The following BACE2 variants were observed in gnomAD, a reference collection of about 807,000 sequenced individuals.
BACE2 encodes beta-secretase 2.
Under a neutral mutation model 46.2 loss-of-function variants are expected in BACE2, and 17 were observed. That is an observed-to-expected ratio of 0.37 (90% CI 0.25 to 0.55). The LOEUF is 0.55. BACE2 is among the 20% of genes least tolerant of loss of function. The pLI is 0.82. For synonymous variants in BACE2, 277 were observed against 295.9 expected, an observed-to-expected ratio of 0.94 and a Z score of 0.66; for missense variants, 595 against 698.1, an observed-to-expected ratio of 0.85 and a Z score of 1.66.
chr21:41,267,403 A>G (rs1366444007), intron 8 of BACE2, among the ~76,000 whole-genome samples: 1 of 152,184 alleles, frequency 6.6e-6, no homozygotes, highest in Admixed American at 6.5e-5. Flanking sequence ...GTTAAAATTG[A>G]CAACTCTCTG....
intron 7 of BACE2, among the ~76,000 whole-genome samples, chr21:41,251,448 G>C (rs1352894522): frequency 6.6e-6 from 1 of 152,186 alleles, no homozygotes; most frequent in Non-Finnish European, 1.5e-5. Context: ...GGAAGACCTG[G>C]AGACATTTTT....
chr21:41,280,324 C>T lies in BACE2; in HGVS notation c.*4700C>T, dbSNP rs1477460497. 2.6e-5 allele frequency: 4 copies of T among 152,296 alleles called. No homozygotes were observed. The highest frequency in any genetic ancestry group is 6.5e-5 in the Admixed American group (1 of 15,284). 9.4% of individuals were successfully genotyped at this position (152,296 alleles called of 1,614,324 possible). On this transcript the variant is annotated 3_prime_UTR_variant, in exon 9 of 9. Coordinates refer to ENST00000330333, the MANE Select transcript of BACE2 (RefSeq NM_012105.5). ...ACGGCAGCTGGGCCCTCACCGTTTC[C>T]GCCAGCTCTGCTGAGCCAGCCCAGC...
intron 1 of BACE2, among the ~76,000 whole-genome samples, chr21:41,199,289 T>C (rs993172357): frequency 1.3e-5 from 2 of 151,982 alleles, no homozygotes; most frequent in African/African-American, 4.8e-5. Flanking sequence ...CTTCCTCATC[T>C]TCCTCCACCT....
intron 1 of BACE2, among the ~76,000 whole-genome samples, chr21:41,222,028 G>C (rs1986673001): frequency 6.6e-6 from 1 of 152,228 alleles, no homozygotes; most frequent in East Asian, 1.9e-4. Flanking sequence ...TGGCTGAGTT[G>C]GTTACAAGAA....
chr21:41,247,249 G>A (rs534929170), intron 6 of BACE2, among the ~76,000 whole-genome samples: 1 of 152,184 alleles, frequency 6.6e-6, no homozygotes, highest in Admixed American at 6.5e-5. Context: ...TGCGGGAAGA[G>A]CGGCACGTGG....
intron 1 of BACE2, among the ~76,000 whole-genome samples, chr21:41,222,051 C>G (rs1389860740): frequency 2.0e-5 from 3 of 152,270 alleles, no homozygotes; most frequent in East Asian, 3.9e-4. Context: ...CGCTCGGAGT[C>G]TGACTCTGGG....
At chr21:41,251,816 AC>A (rs1319806773) in intron 7 of BACE2, among the ~76,000 whole-genome samples, 7 of 152,174 alleles carry the variant, frequency 4.6e-5, no homozygotes, top group African/African-American at 1.7e-4. Context: ...AAAACAAAAA[AC>A]AAAAAAGAAA....
chr21:41,243,582 C>T (rs879828973), intron 5 of BACE2, 72 bp downstream of exon 5: 59 of 1,441,128 alleles, frequency 4.1e-5, no homozygotes, highest in East Asian at 1.2e-4. Flanking sequence ...AGCTGGAACC[C>T]GTAGATGCCA....
At chr21:41,225,319 C>A (rs947313722) in intron 1 of BACE2, among the ~76,000 whole-genome samples, 3 of 151,870 alleles carry the variant, frequency 2.0e-5, no homozygotes, top group African/African-American at 7.3e-5. Flanking sequence ...TATATGTCTG[C>A]AAAAAGACCT....
At chr21:41,274,011 G>A (rs61326441) in intron 8 of BACE2, among the ~76,000 whole-genome samples, 8,940 of 152,222 alleles carry the variant, frequency 0.059, 402 homozygotes, top group African/African-American at 0.12. Flanking sequence ...ATTAGGTCAC[G>A]AGGGCAGAGC....
In BACE2 at chr21:41,252,867, G is replaced by A. The variant is rs181619865; in HGVS notation, c.1134+1966G>A. Among the ~76,000 whole-genome samples the A allele has an allele frequency of 1.4e-3, 220 of 152,194 alleles. 1 individual carries two copies. The highest frequency in any genetic ancestry group is 5.2e-3 in the African/African-American group (214 of 41,486). The stretch of plus-strand genomic sequence containing the variant: ...GGGATGTGCTTTCCAGAAAAGGAGA[G>A]ATCTTGGGGAAAGGATTGAAAGCTC... On this transcript the variant is annotated intron_variant, in intron 7 of 8. Transcript: ENST00000330333.
intron 1 of BACE2, among the ~76,000 whole-genome samples, chr21:41,215,530 G>A (rs1451564383): frequency 6.6e-6 from 1 of 152,254 alleles, no homozygotes; most frequent in Admixed American, 6.5e-5. Context: ...CAGGGTTGGA[G>A]TAGTTAAAAG....
chr21:41,168,471 TC>T lies in BACE2; in HGVS notation c.213del (p.Ala72ArgfsTer10). The T allele has an allele frequency of 7.5e-7, 1 of 1,331,970 alleles. No individual in the cohort carries two copies. The allele number at this position is 1,331,970 out of a possible 1,614,324, so 82.5% of individuals were successfully genotyped here. Reference sequence around the variant, plus strand: ...GCTCGCCCTGGAGCCTGCCCTGGCGTCCCCCGCGGGCGCCGCCAACTTCTTG... The same window carrying T: ...GCTCGCCCTGGAGCCTGCCCTGGCGTCCCCGCGGGCGCCGCCAACTTCTTG... ...LALALEPALA[S>X]PAGAANFLAM... On this transcript the variant is annotated frameshift_variant, in exon 1 of 9. Transcript: ENST00000330333. LOFTEE classifies it high-confidence loss of function.
At chr21:41,261,819 T>A in intron 8 of BACE2, among the ~76,000 whole-genome samples, 1 of 152,224 alleles carries the variant, frequency 6.6e-6, no homozygotes, top group Non-Finnish European at 1.5e-5. Context: ...ATTTAAAAAA[T>A]TTATATACAG....
intron 1 of BACE2, among the ~76,000 whole-genome samples, chr21:41,170,155 A>G (rs1984552518): frequency 6.6e-6 from 1 of 152,092 alleles, no homozygotes; most frequent in Non-Finnish European, 1.5e-5. Context: ...CCCTCCCTCC[A>G]GAGCAAAGGG....
Position 41,275,728 on chromosome 21 carries a change from C to A in BACE2, c.*104C>A. On this transcript the variant is annotated 3_prime_UTR_variant, in exon 9 of 9. Transcript: ENST00000330333. ...TGGTGGCGCTTTCTCCTGTGCCCAC[C>A]CGTCTTCAATCTCTGTTCTGCTCCC... The A allele has an allele frequency of 7.2e-7, 1 of 1,389,064 alleles. No individual in the cohort carries two copies. The highest frequency in any genetic ancestry group is 9.8e-7 in the Non-Finnish European group (1 of 1,025,384). The allele number at this position is 1,389,064 out of a possible 1,614,324, so 86.0% of individuals were successfully genotyped here.
intron 1 of BACE2, among the ~76,000 whole-genome samples, chr21:41,171,248 A>C (rs1055277737): frequency 1.3e-5 from 2 of 152,360 alleles, no homozygotes; most frequent in African/African-American, 4.8e-5. Context: ...CTGCTGAATG[A>C]GCAACAGAAT....
intron 8 of BACE2, among the ~76,000 whole-genome samples, chr21:41,265,295 G>T (rs7277675): frequency 0.093 from 14,041 of 151,484 alleles, 695 homozygotes; most frequent in East Asian, 0.15. Flanking sequence ...TAACACTGCA[G>T]TGAACATCAT....
At chr21:41,238,307 C>T (rs982579172) in intron 3 of BACE2, among the ~76,000 whole-genome samples, 1 of 152,226 alleles carries the variant, frequency 6.6e-6, no homozygotes, top group Non-Finnish European at 1.5e-5. Flanking sequence ...CTTGCCATCA[C>T]CAGAGCCTCC....
Sources: allele counts gnomAD v4.1 joint callset (sites outside exome capture counted in the v4.1 genomes callset), GRCh38; gene constraint gnomAD v4.1.1; transcripts MANE v1.5; gene names NCBI Gene and HGNC (gene_info 2026-07-23, HGNC 2026-07-21).